The following GRIK2 variants were observed in gnomAD, a reference collection of about 807,000 sequenced individuals.
GRIK2 encodes the protein glutamate receptor ionotropic, kainate 2.
GRIK2 carries 32 observed loss-of-function variants against 100.3 expected under a neutral mutation model. That is an observed-to-expected ratio of 0.32 (90% CI 0.24 to 0.43). The LOEUF is 0.43. Among genes scored for constraint, GRIK2 ranks in the 20% least tolerant of loss-of-function variants. The pLI is 1.00. For missense variants in GRIK2, 843 were observed against 1,114.9 expected, an observed-to-expected ratio of 0.76 and a Z score of 3.47; for synonymous variants, 417 against 389.4, an observed-to-expected ratio of 1.07 and a Z score of -0.83.
intron 7 of GRIK2, among the ~76,000 whole-genome samples, chr6:101,770,354 A>C (rs1190798686): frequency 6.6e-6 from 1 of 152,198 alleles, no homozygotes; most frequent in Non-Finnish European, 1.5e-5. Context: ...GCTAGTCATC[A>C]GATGAAGCAG....
intron 10 of GRIK2, among the ~76,000 whole-genome samples, chr6:101,831,311 T>G (rs1439460251): frequency 3.9e-5 from 6 of 152,120 alleles, no homozygotes; most frequent in African/African-American, 1.4e-4. Context: ...CACAAACCAG[T>G]CATCTCCAGT....
At chr6:101,816,826 G>T (rs1035398653) in intron 9 of GRIK2, among the ~76,000 whole-genome samples, 1 of 152,076 alleles carries the variant, frequency 6.6e-6, no homozygotes, top group Admixed American at 6.5e-5. Flanking sequence ...AGCCCTGGTG[G>T]TGCCTTACCG....
intron 2 of GRIK2, among the ~76,000 whole-genome samples, chr6:101,591,635 A>G (rs929038945): frequency 6.6e-6 from 1 of 152,086 alleles, no homozygotes; most frequent in African/African-American, 2.4e-5. Flanking sequence ...AAAATAGAAG[A>G]AGTGGATTAA....
chr6:101,546,799 CAACTCT>C, intron 2 of GRIK2, among the ~76,000 whole-genome samples: 1 of 149,994 alleles, frequency 6.7e-6, no homozygotes, highest in South Asian at 2.1e-4. Flanking sequence ...TGTTTTCCTC[CAACTCT>C]CATGTTTTTG....
chr6:101,585,670 A>G (rs999430061), intron 2 of GRIK2, among the ~76,000 whole-genome samples: 3 of 152,144 alleles, frequency 2.0e-5, no homozygotes, highest in African/African-American at 7.2e-5. Flanking sequence ...GTGACCATGG[A>G]TTAACTTCTA....
chr6:101,431,022 C>T (rs72610839), intron 2 of GRIK2: 14,817 of 253,462 alleles, frequency 0.058, 924 homozygotes, highest in East Asian at 0.3. Context: ...GTAGTACTAC[C>T]GGAGGTGTAC....
intron 10 of GRIK2, among the ~76,000 whole-genome samples, chr6:101,831,622 A>G (rs1443380414): frequency 1.3e-5 from 2 of 152,180 alleles, no homozygotes; most frequent in East Asian, 1.9e-4. Context: ...CAGTGGAATA[A>G]TATCAATCAA....
chr6:101,778,891 A>G (rs906245361), intron 7 of GRIK2, among the ~76,000 whole-genome samples: 3 of 152,146 alleles, frequency 2.0e-5, no homozygotes, highest in South Asian at 2.1e-4. Flanking sequence ...TTAAACCTGG[A>G]CATTGGTAGC....
intron 15 of GRIK2, among the ~76,000 whole-genome samples, chr6:102,042,755 C>T (rs929129169): frequency 2.0e-5 from 3 of 151,566 alleles, no homozygotes; most frequent in Non-Finnish European, 3.0e-5. Context: ...CTAATGATTG[C>T]TGATGGCAAA....
rs527771452 is a variant in GRIK2 at position 101,681,022 on chromosome 6, T to C, written c.724-1531T>C. Among the ~76,000 whole-genome samples the C allele has an allele frequency of 1.1e-4, 16 of 152,360 alleles. No homozygotes were observed. The South Asian group carries it at 3.1e-3, about 30-fold the overall frequency. ...ACATTCCAAATTTTTCACAAATATCTATTCCTTCTTAAAGAATTCATGTTG... is the reference window on the plus strand; with the variant it reads ...ACATTCCAAATTTTTCACAAATATCCATTCCTTCTTAAAGAATTCATGTTG... On this transcript the variant is annotated intron_variant, in intron 5 of 16. Coordinates refer to ENST00000369134, the MANE Select transcript of GRIK2 (RefSeq NM_021956.5).
intron 9 of GRIK2, among the ~76,000 whole-genome samples, chr6:101,804,226 G>A (rs978227443): frequency 4.6e-5 from 7 of 151,904 alleles, no homozygotes; most frequent in African/African-American, 1.7e-4. Context: ...TTAGAAGGAA[G>A]TAGAAGTATG....
rs1374384767 is a variant in GRIK2, at chr6:101,645,219, A to G, written c.541+18582A>G. 2.0e-5 allele frequency among the ~76,000 whole-genome samples: 3 copies of G among 151,886 alleles called. No homozygotes were observed. The East Asian group carries it at 5.8e-4, about 29-fold the overall frequency. ...CTTACCCAAATGAGTCATTGTAACT[A>G]TTTTTATATTTACCTCTTAAACTAT... On this transcript the variant is annotated intron_variant, in intron 4 of 16. Coordinates refer to ENST00000369134, the MANE Select transcript of GRIK2 (RefSeq NM_021956.5).
chr6:101,689,593 T>G (rs1771946336), intron 7 of GRIK2, among the ~76,000 whole-genome samples: 1 of 152,138 alleles, frequency 6.6e-6, no homozygotes, highest in African/African-American at 2.4e-5. Context: ...GATGTTAATG[T>G]TAGTAACTCA....
intron 2 of GRIK2, among the ~76,000 whole-genome samples, chr6:101,494,142 T>C (rs1055141780): frequency 6.6e-6 from 1 of 150,486 alleles, no homozygotes; most frequent in Non-Finnish European, 1.5e-5. Context: ...AGGCAACAAT[T>C]TTAAAGGGAG....
intron 4 of GRIK2, among the ~76,000 whole-genome samples, chr6:101,635,916 GT>G (rs1481840641): frequency 6.6e-6 from 1 of 152,150 alleles, no homozygotes; most frequent in Non-Finnish European, 1.5e-5. Context: ...GTGTAAATTA[GT>G]TCAACCATTG....
chr6:101,570,400 T>C (rs994764828), intron 2 of GRIK2, among the ~76,000 whole-genome samples: 3 of 151,962 alleles, frequency 2.0e-5, no homozygotes, highest in African/African-American at 7.2e-5. Flanking sequence ...GAAGGACAAA[T>C]CAGGATAAAT....
intron 1 of GRIK2, among the ~76,000 whole-genome samples, chr6:101,398,394 G>A (rs920949614): frequency 5.3e-5 from 8 of 152,116 alleles, no homozygotes; most frequent in African/African-American, 1.7e-4. Context: ...TAGCAATCAA[G>A]GAATACCCCA....
At chr6:101,653,219 CT>C (rs1364693745) in intron 4 of GRIK2, among the ~76,000 whole-genome samples, 1 of 152,078 alleles carries the variant, frequency 6.6e-6, no homozygotes, top group Non-Finnish European at 1.5e-5. Context: ...GCAGCTCTCA[CT>C]TATTTTGTAT....
intron 10 of GRIK2, among the ~76,000 whole-genome samples, chr6:101,837,984 C>A (rs948187947): frequency 2.0e-5 from 3 of 152,116 alleles, no homozygotes; most frequent in Admixed American, 1.3e-4. Context: ...AGGTCACTTT[C>A]TTTTCCCCTT....
Sources: allele counts gnomAD v4.1 joint callset (sites outside exome capture counted in the v4.1 genomes callset), GRCh38; gene constraint gnomAD v4.1.1; transcripts MANE v1.5; gene names NCBI Gene and HGNC (gene_info 2026-07-23, HGNC 2026-07-21).